The following KIAA0825 variants were observed in gnomAD, a reference collection of about 807,000 sequenced individuals.
KIAA0825 encodes the protein KIAA0825.
Under a neutral mutation model 147.6 loss-of-function variants are expected in KIAA0825, and 119 were observed. That is an observed-to-expected ratio of 0.81 (90% confidence interval 0.69 to 0.94). The LOEUF is 0.94. Among genes scored for constraint, KIAA0825 ranks in the 40% least tolerant of loss-of-function variants. The pLI is 0.00. For missense variants in KIAA0825, 1,381 were observed against 1,472.7 expected, an observed-to-expected ratio of 0.94 and a Z score of 1.02; for synonymous variants, 470 against 518.1, an observed-to-expected ratio of 0.91 and a Z score of 1.26.
intron 20 of KIAA0825, among the ~76,000 whole-genome samples, chr5:94,327,114 A>T (rs1473773220): frequency 2.0e-5 from 3 of 152,178 alleles, no homozygotes; most frequent in African/African-American, 7.2e-5. Flanking sequence ...CTACATGGGG[A>T]TTTACAGCAA....
chr5:94,506,823 G>A (rs986906170), intron 5 of KIAA0825, among the ~76,000 whole-genome samples: 17 of 152,136 alleles, frequency 1.1e-4, no homozygotes, highest in African/African-American at 3.6e-4. Flanking sequence ...TTCTGGTCTA[G>A]TTTCTAAGCC....
intron 20 of KIAA0825, among the ~76,000 whole-genome samples, chr5:94,225,493 G>A (rs774603512): frequency 1.6e-4 from 24 of 152,128 alleles, no homozygotes; most frequent in Non-Finnish European, 2.9e-5. Context: ...TTAGGAGGTG[G>A]GGCCTTTTGG....
At chr5:94,307,872 C>T (rs1562365276) in intron 20 of KIAA0825, among the ~76,000 whole-genome samples, 1 of 151,736 alleles carries the variant, frequency 6.6e-6, no homozygotes, top group African/African-American at 2.4e-5. Flanking sequence ...TTCCTCCTAT[C>T]ATTTTTAGTT....
intron 3 of KIAA0825, among the ~76,000 whole-genome samples, chr5:94,526,794 C>T (rs570763842): frequency 3.3e-5 from 5 of 151,866 alleles, no homozygotes; most frequent in African/African-American, 7.2e-5. Context: ...GTGAATAAGA[C>T]GTCATCCTGT....
intron 20 of KIAA0825, among the ~76,000 whole-genome samples, chr5:94,221,718 A>G (rs1292222068): frequency 1.3e-5 from 2 of 152,136 alleles, no homozygotes; most frequent in Non-Finnish European, 2.9e-5. Context: ...AAACCTAAGT[A>G]GTCTCTGGGA....
At chr5:94,223,594 C>T (rs998493367) in intron 20 of KIAA0825, among the ~76,000 whole-genome samples, 1 of 152,170 alleles carries the variant, frequency 6.6e-6, no homozygotes, top group Non-Finnish European at 1.5e-5. Flanking sequence ...ATATATTAAA[C>T]TCCACTTACA....
At chr5:94,463,180 C>G (rs946368492) in intron 11 of KIAA0825, among the ~76,000 whole-genome samples, 2 of 151,444 alleles carry the variant, frequency 1.3e-5, no homozygotes, top group Non-Finnish European at 3.0e-5. Flanking sequence ...TTCCATCTTT[C>G]TCAAGTTTTA....
intron 1 of KIAA0825, among the ~76,000 whole-genome samples, chr5:94,599,001 G>C (rs1785818288): frequency 6.6e-6 from 1 of 152,176 alleles, no homozygotes; most frequent in Non-Finnish European, 1.5e-5. Context: ...TAGAGGGACA[G>C]CTGGATCATA....
At chr5:94,390,338 T>C (rs1484534211) in intron 18 of KIAA0825, among the ~76,000 whole-genome samples, 1 of 152,216 alleles carries the variant, frequency 6.6e-6, no homozygotes, top group Non-Finnish European at 1.5e-5. Context: ...TTGTCACAAT[T>C]ACTTTGGCCA....
intron 20 of KIAA0825, among the ~76,000 whole-genome samples, chr5:94,361,943 G>A (rs945310554): frequency 6.6e-6 from 1 of 152,170 alleles, no homozygotes; most frequent in Non-Finnish European, 1.5e-5. Flanking sequence ...AGAACAGTGT[G>A]TGCAGAACAG....
In KIAA0825 at chr5:94,473,491, C is replaced by G; in HGVS notation, c.1256G>C (p.Ser419Thr). 1 of 1,551,562 alleles carries G rather than the reference C, an allele frequency of 6.4e-7. No individual in the cohort carries two copies. Among genetic ancestry groups the G allele is most frequent in the Non-Finnish European group, 8.7e-7 (1 of 1,146,890 alleles). ...EATLLDFGWR[S>T]AFKEVSLPMA... ...GGGAAGAGACACTTCTTTAAATGCA[C>G]TTCTCCAGCCAAAATCTAGTAAGGT... The change falls in exon 8 of 21, where the codon AGT becomes ACT. Residue 419 changes from serine (S) to threonine (T), a missense_variant. By Grantham distance (58) the Ser-to-Thr change is moderately conservative. Coordinates refer to ENST00000682413, the MANE Select transcript of KIAA0825 (RefSeq NM_001145678.3).
At chr5:94,384,558 G>C in intron 19 of KIAA0825, 100 bp from the exon 20 acceptor site, 1 of 910,776 alleles carries the variant, frequency 1.1e-6, no homozygotes, top group South Asian at 1.5e-5. Context: ...AACTAAGAAG[G>C]AGGGGGGTCC....
chr5:94,314,350 A>T (rs1481497332), intron 20 of KIAA0825, among the ~76,000 whole-genome samples: 1 of 151,710 alleles, frequency 6.6e-6, no homozygotes, highest in Non-Finnish European at 1.5e-5. Flanking sequence ...TTACTTCAAA[A>T]GCATTTCAAC....
chr5:94,418,939 A>C lies in KIAA0825; in HGVS notation c.2498-1574T>G, dbSNP rs1753823094. On this transcript the variant is annotated intron_variant, in intron 14 of 20. Coordinates refer to ENST00000682413, the MANE Select transcript of KIAA0825 (RefSeq NM_001145678.3). ...GTCTCCCAGGCTGGAATTCAGTGGC[A>C]TGATTATAGCTCATTGCAGCCCCAA... Among the ~76,000 whole-genome samples the C allele has an allele frequency of 1.3e-5, 2 of 152,028 alleles. 1 individual carries two copies. Among genetic ancestry groups the C allele is most frequent in the South Asian group, 4.1e-4 (2 of 4,820 alleles).
rs995314754 is a variant in KIAA0825 at position 94,152,158 on chromosome 5, G to A, written c.*1849C>T. Among the ~76,000 whole-genome samples, 1 of 152,108 alleles carries A rather than the reference G, an allele frequency of 6.6e-6. No individual in the cohort carries two copies. Among genetic ancestry groups the A allele is most frequent in the African/African-American group, 2.4e-5 (1 of 41,418 alleles). ...TATTTGGCAGGCAGCTGTCTACATG[G>A]CCATTTATGTATTTTTATTTAAAGA... On this transcript the variant is annotated 3_prime_UTR_variant, in exon 21 of 21. Transcript: ENST00000682413.
intron 20 of KIAA0825, among the ~76,000 whole-genome samples, chr5:94,263,073 C>A (rs1776577729): frequency 6.6e-6 from 1 of 152,114 alleles, no homozygotes; most frequent in Non-Finnish European, 1.5e-5. Context: ...CATACTGCCC[C>A]AAACTGTCCA....
At chr5:94,600,707 C>A (rs1020158695) in intron 1 of KIAA0825, among the ~76,000 whole-genome samples, 1 of 152,178 alleles carries the variant, frequency 6.6e-6, no homozygotes, top group African/African-American at 2.4e-5. Context: ...GCTGCTTGGA[C>A]AACTCAGCCA....
rs184217184 is a variant in KIAA0825, at chr5:94,610,496, G to A, written c.-153+8004C>T. ...TCATGACATAGGGCTGGGCACGGTG[G>A]CTCACACCTGTAATCCTAGCACTTT... On this transcript the variant is annotated intron_variant, in intron 1 of 20. Transcript: ENST00000682413. 2.6e-3 allele frequency among the ~76,000 whole-genome samples: 393 copies of A among 149,568 alleles called. 3 individuals carry two copies. The highest frequency in any genetic ancestry group is 7.0e-3 in the Middle Eastern group (2 of 286).
chr5:94,500,839 T>C (rs1427196255), intron 5 of KIAA0825, among the ~76,000 whole-genome samples: 2 of 152,134 alleles, frequency 1.3e-5, no homozygotes, highest in Non-Finnish European at 2.9e-5. Flanking sequence ...GTGCAATGGC[T>C]CGATCTCAGC....
Sources: gnomAD v4.1 joint callset for allele counts (sites outside exome capture counted in the v4.1 genomes callset) on GRCh38, gnomAD v4.1.1 for gene constraint, MANE v1.5 for transcripts, NCBI Gene and HGNC (gene_info 2026-07-23, HGNC 2026-07-21) for gene names.